NFIA: variants seen among roughly 807,000 people sequenced by gnomAD.
NFIA encodes nuclear factor 1 A-type.
Under a neutral mutation model 62.8 loss-of-function variants are expected in NFIA, and 8 were observed. That is an observed-to-expected ratio of 0.13 (90% CI 0.07 to 0.23). The LOEUF (loss-of-function observed/expected upper bound fraction) is 0.23, where lower values mean the gene tolerates loss of function less well. Ranked by LOEUF, NFIA falls within the 10% of genes least tolerant of loss-of-function variation. The probability of loss-of-function intolerance (pLI) is 1.00; values close to 1 mark genes in which losing one functional copy is unlikely to be tolerated. For synonymous variants in NFIA, 235 were observed against 238.1 expected (o/e 0.99, Z 0.12); for missense variants, 410 against 642.1 (o/e 0.64, Z 3.91).
chr1:61,404,665 G>A (rs1436844277), intron 8 of NFIA, among the ~76,000 whole-genome samples: 1 of 152,208 alleles, frequency 6.6e-6, no homozygotes, highest in Non-Finnish European at 1.5e-5. Flanking sequence ...GAAAGGTAGG[G>A]AGATGAAGGG....
At chr1:61,254,583 A>G (rs1402711974) in intron 2 of NFIA, among the ~76,000 whole-genome samples, 1 of 152,246 alleles carries the variant, frequency 6.6e-6, no homozygotes, top group Non-Finnish European at 1.5e-5. Flanking sequence ...GTGAAAAAAA[A>G]TAGTAGTTAT....
At chr1:61,256,289 A>T (rs542837098) in intron 2 of NFIA, among the ~76,000 whole-genome samples, 1 of 152,020 alleles carries the variant, frequency 6.6e-6, no homozygotes, top group East Asian at 1.9e-4. Context: ...AAAAAAAATT[A>T]TCTGGGTGTG....
chr1:61,410,245 T>G (rs1245875603), intron 9 of NFIA, among the ~76,000 whole-genome samples: 1 of 152,122 alleles, frequency 6.6e-6, no homozygotes, highest in East Asian at 1.9e-4. Context: ...TCTAAGCTAT[T>G]CAGTAGGGAT....
chr1:61,221,220 TTCTC>T (rs140158158), intron 2 of NFIA, among the ~76,000 whole-genome samples: 3,412 of 152,258 alleles, frequency 0.022, 130 homozygotes, highest in African/African-American at 0.077. Context: ...AAAAATTACA[TTCTC>T]TATTTAATAA....
chr1:61,438,349 C>T (rs571381118), intron 10 of NFIA, among the ~76,000 whole-genome samples: 153 of 152,284 alleles, frequency 1.0e-3, no homozygotes, highest in African/African-American at 3.1e-3. Flanking sequence ...TTTCAGCCCT[C>T]AGGAGGGAAC....
In NFIA at chr1:61,446,412, G is replaced by A. The variant is rs150788052; in HGVS notation, c.1513-8891G>A. Among the ~76,000 whole-genome samples, 1,298 of 152,262 alleles carry A rather than the reference G, an allele frequency of 8.5e-3. 18 individuals are homozygous for A. The highest frequency in any genetic ancestry group is 0.029 in the African/African-American group (1,224 of 41,526). On this transcript the variant is annotated intron_variant, in intron 10 of 10. Coordinates refer to ENST00000403491, the MANE Select transcript of NFIA (RefSeq NM_001134673.4). Reference sequence around the variant, plus strand: ...ATGGCCTGGGAGAGAGTAGGGGTCTGTCATGATTCCTGCACAGGGATTAAA... The same window carrying A: ...ATGGCCTGGGAGAGAGTAGGGGTCTATCATGATTCCTGCACAGGGATTAAA...
intron 2 of NFIA, among the ~76,000 whole-genome samples, chr1:61,243,727 T>G (rs1192107946): frequency 1.3e-5 from 2 of 152,216 alleles, no homozygotes; most frequent in African/African-American, 2.4e-5. Context: ...AATTCTAGAT[T>G]TATAGTATAA....
chr1:61,135,808 A>ATTACTG (rs1394878608), intron 2 of NFIA, among the ~76,000 whole-genome samples: 1 of 152,210 alleles, frequency 6.6e-6, no homozygotes, highest in Non-Finnish European at 1.5e-5. Flanking sequence ...CTGAACCAGG[A>ATTACTG]AACCAACTTT....
chr1:61,284,707 T>C (rs1268847355), intron 3 of NFIA, among the ~76,000 whole-genome samples: 1 of 152,198 alleles, frequency 6.6e-6, no homozygotes, highest in Non-Finnish European at 1.5e-5. Context: ...AAATAGGAAA[T>C]GTTTTAGATC....
At chr1:61,082,425 A>AGCGGAG (rs1553148406), upstream of NFIA, 45 of 1,003,928 alleles carry the variant, frequency 4.5e-5, no homozygotes, top group East Asian at 8.7e-4. Flanking sequence ...TGCGGTGCAG[A>AGCGGAG]GCGGAGGCGG....
At chr1:61,382,320 A>G (rs1664462315) in intron 6 of NFIA, among the ~76,000 whole-genome samples, 1 of 152,182 alleles carries the variant, frequency 6.6e-6, no homozygotes, top group East Asian at 1.9e-4. Context: ...AGCATTTTCT[A>G]TGCTGGAAAT....
intron 2 of NFIA, among the ~76,000 whole-genome samples, chr1:61,221,447 A>G (rs1392377929): frequency 6.6e-6 from 1 of 152,174 alleles, no homozygotes; most frequent in Non-Finnish European, 1.5e-5. Flanking sequence ...ATTTAAGTTT[A>G]AAAGGGATCT....
intron 2 of NFIA, among the ~76,000 whole-genome samples, chr1:61,099,765 C>G (rs1456123046): frequency 6.6e-6 from 1 of 151,898 alleles, no homozygotes; most frequent in Non-Finnish European, 1.5e-5. Context: ...TCCCTTAGAT[C>G]CCAGACTTTT....
intron 3 of NFIA, among the ~76,000 whole-genome samples, chr1:61,309,999 T>C (rs1330991806): frequency 6.6e-6 from 1 of 152,230 alleles, no homozygotes; most frequent in Non-Finnish European, 1.5e-5. Context: ...TTTAATAAAA[T>C]GGAAGTCTGT....
chr1:61,272,448 C>T (rs567992347), intron 2 of NFIA, among the ~76,000 whole-genome samples: 1 of 152,176 alleles, frequency 6.6e-6, no homozygotes, highest in South Asian at 2.1e-4. Context: ...ATTTGATTTT[C>T]TGGATTTCGT....
intron 2 of NFIA, among the ~76,000 whole-genome samples, chr1:61,261,345 C>T (rs779444873): frequency 6.6e-6 from 1 of 152,106 alleles, no homozygotes; most frequent in South Asian, 2.1e-4. Context: ...CTTTGATTAC[C>T]CATACAATAC....
rs146352441 is a variant in NFIA at position 61,273,080 on chromosome 1, G to A, written c.560-4440G>A. ...TGGTTGCTATCGTGTTGATGGACCAGGAATGACATCGGTTTGTTTTAGGGT... is the reference window on the plus strand; with the variant it reads ...TGGTTGCTATCGTGTTGATGGACCAAGAATGACATCGGTTTGTTTTAGGGT... On this transcript the variant is annotated intron_variant, in intron 2 of 10. Transcript: ENST00000403491. Among the ~76,000 whole-genome samples, 4 of 152,284 alleles carry A rather than the reference G, an allele frequency of 2.6e-5. No individual in the cohort carries two copies. In the East Asian group the frequency reaches 7.7e-4, roughly 29 times the overall value.
At chr1:61,189,156 A>C (rs935476878) in intron 2 of NFIA, among the ~76,000 whole-genome samples, 1 of 152,148 alleles carries the variant, frequency 6.6e-6, no homozygotes, top group Non-Finnish European at 1.5e-5. Flanking sequence ...CAGAGAAAGC[A>C]GTGGTCTTGG....
chr1:61,120,647 A>G (rs900133069), intron 2 of NFIA, among the ~76,000 whole-genome samples: 30 of 152,224 alleles, frequency 2.0e-4, no homozygotes, highest in African/African-American at 7.2e-4. Context: ...ATTATTGGAA[A>G]TTTATTTAAA....
Sources: allele counts gnomAD v4.1 joint callset (sites outside exome capture counted in the v4.1 genomes callset), GRCh38; gene constraint gnomAD v4.1.1; transcripts MANE v1.5; gene names NCBI Gene and HGNC (gene_info 2026-07-23, HGNC 2026-07-21).